ELAC2: variants seen among roughly 807,000 people sequenced by gnomAD.
ELAC2 encodes zinc phosphodiesterase ELAC protein 2.
A neutral mutation model predicts 105.2 loss-of-function variants in ELAC2; 92 were observed. The ratio of observed to expected loss-of-function variants is 0.87; its 90% CI spans 0.74 to 1.04. ELAC2 has a LOEUF of 1.04. Among genes scored for constraint, ELAC2 ranks in the 50% least tolerant of loss-of-function variants. ELAC2 has a pLI of 0.00. For missense variants in ELAC2, 1,099 were observed against 1,071.7 expected (o/e 1.03, Z -0.36); for synonymous variants, 468 against 409.1 (o/e 1.14, Z -1.74).
intron 5 of ELAC2, 141 bp downstream of exon 5, chr17:13,014,290 CAAAAAAAA>C (rs959230890): frequency 8.1e-6 from 3 of 372,548 alleles, no homozygotes; most frequent in Non-Finnish European, 1.4e-5. Flanking sequence ...AGACTCTATC[CAAAAAAAA>C]AAAAAAAAAA....
rs1259692685 is a variant in ELAC2 at position 13,017,994 on chromosome 17, C to T, written c.-47G>A. The T allele has an allele frequency of 1.3e-6, 2 of 1,533,864 alleles. No individual in the cohort carries two copies. Among genetic ancestry groups the T allele is most frequent in the East Asian group, 2.4e-5 (1 of 40,872 alleles). On this transcript the variant is annotated 5_prime_UTR_variant, in exon 1 of 24. Transcript: ENST00000338034. Reference sequence around the variant, plus strand: ...GAGAAAGCCGCCGGTCACCTACGCCCGCGTTTCCCGTGCACCACCTAGCCG... The same window carrying T: ...GAGAAAGCCGCCGGTCACCTACGCCTGCGTTTCCCGTGCACCACCTAGCCG...
intron 14 of ELAC2, among the ~76,000 whole-genome samples, chr17:13,001,679 T>C (rs1004240656): frequency 2.6e-5 from 4 of 152,106 alleles, no homozygotes; most frequent in African/African-American, 7.2e-5. Context: ...AGGAATGACT[T>C]GAAGGGAACA....
chr17:12,994,354 A>G, intron 22 of ELAC2, 71 bp downstream of exon 22: 1 of 1,558,748 alleles, frequency 6.4e-7, no homozygotes, highest in Admixed American at 1.7e-5. Flanking sequence ...GAGACAAACG[A>G]CGGCTGCTCA....
chr17:13,002,409 T>G (rs766647278), intron 13 of ELAC2, 32 bp downstream of exon 13: 1 of 1,614,008 alleles, frequency 6.2e-7, no homozygotes. Flanking sequence ...GGACGAGAGC[T>G]GGGCCGACAA....
At chr17:13,013,827 A>AC (rs1229347893) in intron 5 of ELAC2, among the ~76,000 whole-genome samples, 2 of 151,752 alleles carry the variant, frequency 1.3e-5, no homozygotes, top group African/African-American at 4.8e-5. Flanking sequence ...AACCCTTGTC[A>AC]CCCCCGCCCC....
chr17:13,017,975 G>A lies in ELAC2; in HGVS notation c.-28C>T, dbSNP rs1290516513. 1.3e-6 allele frequency: 2 copies of A among 1,534,634 alleles called. No homozygotes were observed. The highest frequency in any genetic ancestry group is 2.0e-5 in the Admixed American group (1 of 50,978). ...GCCCGTCTCCACCAAAACTGAGAAA[G>A]CCGCCGGTCACCTACGCCCGCGTTT... On this transcript the variant is annotated 5_prime_UTR_variant, in exon 1 of 24. Coordinates refer to ENST00000338034, the MANE Select transcript of ELAC2 (RefSeq NM_018127.7).
intron 1 of ELAC2, chr17:13,017,409 T>G (rs1162438592): frequency 1.6e-6 from 1 of 636,810 alleles, no homozygotes; most frequent in Non-Finnish European, 2.7e-6. Flanking sequence ...AACGACACAC[T>G]GGCCTTGGGG....
rs771702666 is a variant in ELAC2 at position 13,017,775 on chromosome 17, A to G, written c.173T>C (p.Val58Ala). 6.2e-7 allele frequency: 1 copy of G among 1,611,108 alleles called. No individual in the cohort carries two copies. Among genetic ancestry groups the G allele is most frequent in the Non-Finnish European group, 8.5e-7 (1 of 1,179,176 alleles). The change falls in exon 1 of 24, where the codon GTG becomes GCG. Residue 58 changes from valine (V) to alanine (A), a missense_variant. Val to Ala is a moderately conservative substitution (Grantham distance 64). Coordinates refer to ENST00000338034, the MANE Select transcript of ELAC2 (RefSeq NM_018127.7). ...ACCCGCTGCCACCACCTGCAGGTAC[A>G]CGGTGTTTGGGCCGCCGGAGCACCC... is the stretch of plus-strand genomic sequence containing the variant. ...PSGCSGGPNT[V>A]YLQVVAAGSR...
intron 14 of ELAC2, 41 bp downstream of exon 14, chr17:13,002,233 A>T: frequency 6.2e-7 from 1 of 1,608,312 alleles, no homozygotes; most frequent in African/African-American, 1.3e-5. Context: ...ATGTTTCCCA[A>T]CTCGACTGAG....
At chr17:13,007,433 T>C (rs959321752) in intron 8 of ELAC2, among the ~76,000 whole-genome samples, 15 of 152,214 alleles carry the variant, frequency 9.9e-5, no homozygotes, top group South Asian at 2.1e-4. Context: ...AATATCATCC[T>C]AGATGAAGGA....
Position 12,998,319 on chromosome 17 carries a change from G to A in ELAC2, c.1520+93C>T, listed in dbSNP as rs1598210396. On this transcript the variant is annotated intron_variant, in intron 16 of 23. Transcript: ENST00000338034. ...ATGACAAGTGACAGGGCTTGATACC[G>A]CATTTCAAATCGACTGGTGAGTACA... is the stretch of plus-strand genomic sequence containing the variant. 1.1e-5 allele frequency: 13 copies of A among 1,207,998 alleles called. No homozygotes were observed. In the South Asian group the frequency reaches 1.2e-4, roughly 11 times the overall value. The allele number at this position is 1,207,998 out of a possible 1,614,324, so 74.8% of individuals were successfully genotyped here.
At chr17:13,012,237 A>G (rs970842016) in intron 6 of ELAC2, among the ~76,000 whole-genome samples, 4 of 152,228 alleles carry the variant, frequency 2.6e-5, no homozygotes, top group African/African-American at 9.6e-5. Flanking sequence ...GCCGCTGGAC[A>G]CTGAAAAAAC....
intron 21 of ELAC2, 24 bp downstream of exon 21, chr17:12,994,740 T>C (rs775834425): frequency 2.2e-5 from 35 of 1,613,452 alleles, no homozygotes; most frequent in Non-Finnish European, 2.7e-5. Context: ...AACCTCAGGG[T>C]GGCTTGCTTC....
At chr17:13,006,742 C>T (rs925929926) in intron 8 of ELAC2, among the ~76,000 whole-genome samples, 1 of 152,114 alleles carries the variant, frequency 6.6e-6, no homozygotes, top group Non-Finnish European at 1.5e-5. Context: ...CTAACAAAAG[C>T]ATGGATGATT....
chr17:12,992,764 G>T lies in ELAC2; in HGVS notation c.*54C>A. On this transcript the variant is annotated 3_prime_UTR_variant, in exon 24 of 24. Coordinates refer to ENST00000338034, the MANE Select transcript of ELAC2 (RefSeq NM_018127.7). ...ACCAGCAAGGAGGGCAGATACGGGT[G>T]CGTGCGTGGGGCAGAAGACACACAG... 2.5e-6 allele frequency: 4 copies of T among 1,599,452 alleles called. No homozygotes were observed. Among genetic ancestry groups the T allele is most frequent in the Admixed American group, 1.7e-5 (1 of 59,978 alleles).
At chr17:12,998,570 C>A in intron 15 of ELAC2, 62 bp from the exon 16 acceptor site, 2 of 1,446,202 alleles carry the variant, frequency 1.4e-6, no homozygotes, top group Non-Finnish European at 1.9e-6. Flanking sequence ...CAGCATGCAG[C>A]CATGAGAAGG....
chr17:12,994,723 C>G (rs548083572), intron 21 of ELAC2, 41 bp downstream of exon 21: 1 of 1,613,350 alleles, frequency 6.2e-7, no homozygotes. Flanking sequence ...TACACAAACC[C>G]CAGAGCAACC....
At chr17:13,014,166 GC>G (rs1301554162) in intron 5 of ELAC2, among the ~76,000 whole-genome samples, 3 of 151,906 alleles carry the variant, frequency 2.0e-5, no homozygotes, top group African/African-American at 7.3e-5. Flanking sequence ...GATGGCATGC[GC>G]CTGTAGTCCT....
rs879009279 is a variant in ELAC2 at position 13,016,745 on chromosome 17, C to CAAAAAA, written c.367+111_367+116dup. 19 of 653,164 alleles carry CAAAAAA rather than the reference C, an allele frequency of 2.9e-5. 1 individual carries two copies. The highest frequency in any genetic ancestry group is 1.0e-4 in the African/African-American group (3 of 29,564). The allele number at this position is 653,164 out of a possible 1,614,324, so 40.5% of individuals were successfully genotyped here. On this transcript the variant is annotated intron_variant, in intron 3 of 23. Transcript: ENST00000338034. ...CAGTGAGCCAAGATCACGCCACTGA[C>CAAAAAA]AAAAAAAAAAAAAAAAAAAAAAGTA...
Sources: allele counts gnomAD v4.1 joint callset (sites outside exome capture counted in the v4.1 genomes callset), GRCh38; gene constraint gnomAD v4.1.1; transcripts MANE v1.5; gene names NCBI Gene and HGNC (gene_info 2026-07-23, HGNC 2026-07-21).